SPRY3: variants seen among roughly 807,000 people sequenced by gnomAD.
SPRY3 encodes sprouty RTK signaling antagonist 3.
A neutral mutation model predicts 20.2 loss-of-function variants in SPRY3; 15 were observed. That is an observed-to-expected ratio of 0.74 (90% CI 0.50 to 1.14). The LOEUF is 1.14. Ranked by LOEUF, SPRY3 falls within the 50% of genes most tolerant of loss-of-function variation. SPRY3 has a pLI of 0.00. For synonymous variants in SPRY3, 143 were observed against 136.5 expected (o/e 1.05, Z -0.33); for missense variants, 364 against 363.9 (o/e 1.00, Z 0.00).
chrX:155,741,516 C>T (rs991754996), intron 2 of SPRY3, among the ~76,000 whole-genome samples: 2 of 152,044 alleles, frequency 1.3e-5, no homozygotes, highest in African/African-American at 4.8e-5. Context: ...CAGTAAGATG[C>T]TCCATGAGAA....
chrX:155,681,508 T>C (rs748297476), intron 2 of SPRY3, among the ~76,000 whole-genome samples: 14 of 112,364 alleles, frequency 1.2e-4, no homozygotes, highest in Non-Finnish European at 2.4e-4. Flanking sequence ...AATCAAAAGC[T>C]TGAAGTGATT....
chrX:155,757,945 T>TC (rs1277317300), intron 2 of SPRY3, among the ~76,000 whole-genome samples: 1 of 152,188 alleles, frequency 6.6e-6, no homozygotes, highest in African/African-American at 2.4e-5. Context: ...ATCCACACAG[T>TC]CCCTACAATG....
At chrX:155,780,820 A>G (rs1474340344), downstream of SPRY3, 1 of 167,024 alleles carries the variant, frequency 6.0e-6, no homozygotes, top group Non-Finnish European at 1.5e-5. Flanking sequence ...GAAAGAAAGA[A>G]AAAAGTAATG....
intron 3 of SPRY3, among the ~76,000 whole-genome samples, chrX:155,769,189 G>C (rs1385738287): frequency 6.6e-6 from 1 of 152,142 alleles, no homozygotes; most frequent in Non-Finnish European, 1.5e-5. Flanking sequence ...TTTGTGTTCT[G>C]TTTTTAGGTC....
chrX:155,740,617 G>A (rs1342368834), intron 2 of SPRY3, among the ~76,000 whole-genome samples: 1 of 152,112 alleles, frequency 6.6e-6, no homozygotes, highest in Non-Finnish European at 1.5e-5. Context: ...CCACCCTGGT[G>A]AATTCAAGGT....
chrX:155,739,049 G>T (rs1437391613), intron 2 of SPRY3, among the ~76,000 whole-genome samples: 2 of 152,200 alleles, frequency 1.3e-5, no homozygotes, highest in African/African-American at 4.8e-5. Context: ...GAGATGGATT[G>T]AGTTCCTGGG....
At chrX:155,718,108 T>C (rs1353677674) in intron 2 of SPRY3, among the ~76,000 whole-genome samples, 12 of 152,200 alleles carry the variant, frequency 7.9e-5, no homozygotes, top group Non-Finnish European at 1.5e-4. Context: ...TAATTGCTTC[T>C]CTATTTTTTG....
chrX:155,743,113 A>C (rs995834509), intron 2 of SPRY3, among the ~76,000 whole-genome samples: 8 of 152,154 alleles, frequency 5.3e-5, no homozygotes, highest in Non-Finnish European at 1.0e-4. Context: ...AAATAGACAC[A>C]ATCAGAAATG....
chrX:155,729,012 A>G (rs2091116805), intron 2 of SPRY3, among the ~76,000 whole-genome samples: 2 of 152,312 alleles, frequency 1.3e-5, no homozygotes, highest in Middle Eastern at 3.4e-3. Flanking sequence ...CAATTCTGCA[A>G]GAGGATATAA....
Position 155,690,969 on chromosome X carries a change from G to C in SPRY3, c.-282+33944G>C, listed in dbSNP as rs764443795. Among the ~76,000 whole-genome samples the C allele has an allele frequency of 4.6e-5, 4 of 87,041 alleles. No homozygotes were observed. In the South Asian group the frequency reaches 1.9e-3, roughly 42 times the overall value. The allele number at this position is 87,041 out of a possible 115,157, so 75.6% of individuals were successfully genotyped here. On this transcript the variant is annotated intron_variant, in intron 2 of 3. Transcript: ENST00000675360. ...TTTTCTTACCAACTTTTTTCAAAGA[G>C]CAAAAGATTTTAATTTTGATTAAGT...
chrX:155,774,568 C>T, exon 4 of SPRY3: 12 of 1,614,006 alleles, frequency 7.4e-6, no homozygotes, highest in Non-Finnish European at 1.0e-5. Context: ...CCTCTTCCTA[C>T]CCTGCCTGTG....
At chrX:155,652,524 T>C (rs891371353) in intron 1 of SPRY3, among the ~76,000 whole-genome samples, 38 of 111,871 alleles carry the variant, frequency 3.4e-4, no homozygotes, top group Non-Finnish European at 5.1e-4. Flanking sequence ...CTTGCCTGCC[T>C]TATTTCATGT....
At chrX:155,683,438 G>A (rs2068079215) in intron 2 of SPRY3, among the ~76,000 whole-genome samples, 1 of 112,305 alleles carries the variant, frequency 8.9e-6, no homozygotes, top group African/African-American at 3.2e-5. Flanking sequence ...AGGACTTACT[G>A]TAGGCTGGGA....
intron 2 of SPRY3, among the ~76,000 whole-genome samples, chrX:155,673,592 T>C (rs2068050525): frequency 8.9e-6 from 1 of 112,076 alleles, no homozygotes; most frequent in African/African-American, 3.2e-5. Flanking sequence ...AAATATTCAA[T>C]GCCTTCAGAC....
chrX:155,773,087 C>T (rs2091391368), intron 3 of SPRY3, among the ~76,000 whole-genome samples: 1 of 151,758 alleles, frequency 6.6e-6, no homozygotes, highest in Non-Finnish European at 1.5e-5. Flanking sequence ...GTGAAGAGAA[C>T]TGCAAGATGA....
chrX:155,705,651 A>G (rs774472773), intron 2 of SPRY3, among the ~76,000 whole-genome samples: 1 of 151,490 alleles, frequency 6.6e-6, no homozygotes, highest in South Asian at 2.1e-4. Flanking sequence ...AGATATGTTG[A>G]AAGTAAAAGA....
chrX:155,686,217 A>AGGG, intron 2 of SPRY3, among the ~76,000 whole-genome samples: 3 of 111,432 alleles, frequency 2.7e-5, no homozygotes, highest in African/African-American at 9.8e-5. Context: ...TAATTTTCAT[A>AGGG]ATACTTTCTT....
chrX:155,722,945 C>T (rs1223650871), intron 2 of SPRY3, among the ~76,000 whole-genome samples: 4 of 151,360 alleles, frequency 2.6e-5, no homozygotes, highest in Admixed American at 2.6e-4. Context: ...CCCCCACCCC[C>T]TGACAGGCCC....
rs146398986 is a variant in SPRY3 at position 155,667,809 on chromosome X, G to C, written c.-282+10784G>C. On this transcript the variant is annotated intron_variant, in intron 2 of 3. Transcript: ENST00000675360. ...CTAATTAAAAATGGGTCAAAGACCT[G>C]AGCAGATATTTCACAAAAGATGGTA... Among the ~76,000 whole-genome samples, 776 of 111,366 alleles carry C rather than the reference G, an allele frequency of 7.0e-3. 6 individuals are homozygous for C. Among genetic ancestry groups the C allele is most frequent in the African/African-American group, 0.024 (735 of 30,755 alleles).
Sources: gnomAD v4.1 joint callset for allele counts (sites outside exome capture counted in the v4.1 genomes callset) on GRCh38, gnomAD v4.1.1 for gene constraint, MANE v1.5 for transcripts, NCBI Gene and HGNC (gene_info 2026-07-23, HGNC 2026-07-21) for gene names.